The following CHGA variants were observed in gnomAD, a reference collection of about 807,000 sequenced individuals.
CHGA encodes chromogranin A.
CHGA carries 41 observed loss-of-function variants against 54.4 expected under a neutral mutation model. That is an observed-to-expected ratio of 0.75 (90% confidence interval 0.59 to 0.98). The LOEUF (loss-of-function observed/expected upper bound fraction) is 0.98. CHGA is among the 50% of genes least tolerant of loss of function. The probability of loss-of-function intolerance (pLI) is 0.00; values close to 1 mark genes in which losing one functional copy is unlikely to be tolerated. For missense variants in CHGA, 576 were observed against 582.3 expected (o/e 0.99, Z 0.11); for synonymous variants, 249 against 232.8 (o/e 1.07, Z -0.63).
rs765615273 is a variant in CHGA at position 92,931,542 on chromosome 14, C to A, written c.648C>A (p.Gly216=). 2 of 1,612,462 alleles carry A rather than the reference C, an allele frequency of 1.2e-6. No homozygotes were observed. The highest frequency in any genetic ancestry group is 1.7e-6 in the Non-Finnish European group (2 of 1,179,712). ...AGGGTCTGGTGGACAGAGAGAAGGG[C>A]CTGAGTGCAGAGCCAGGGTGGCAGG... ...LSQGLVDREK[G]LSAEPGWQAK... Residue 216 remains glycine (G), a synonymous_variant, in exon 6 of 8, where the codon GGC becomes GGA. Transcript: ENST00000216492.
Position 92,923,262 on chromosome 14 carries a change from C to A in CHGA, c.-98C>A. 1 of 1,135,470 alleles carries A rather than the reference C, an allele frequency of 8.8e-7. No homozygotes were observed. Among genetic ancestry groups the A allele is most frequent in the Non-Finnish European group, 1.1e-6 (1 of 902,880 alleles). The allele number at this position is 1,135,470 out of a possible 1,614,324, so 70.3% of individuals were successfully genotyped here. ...CTGCGCCCCCAGCCCCGCGCCGGTGCCACCGCAGCCCGACCCCGGCCGCCA... is the reference window on the plus strand; with the variant it reads ...CTGCGCCCCCAGCCCCGCGCCGGTGACACCGCAGCCCGACCCCGGCCGCCA... On this transcript the variant is annotated 5_prime_UTR_variant, in exon 1 of 8. Transcript: ENST00000216492.
intron 7 of CHGA, chr14:92,933,164 C>T: frequency 4.0e-6 from 1 of 248,514 alleles, no homozygotes; most frequent in Non-Finnish European, 7.7e-6. Context: ...CTGACCGTGT[C>T]CCCTCCTGGC....
rs761441888 is a variant in CHGA at position 92,931,416 on chromosome 14, G to A, written c.522G>A (p.Glu174=). 2.0e-6 allele frequency: 3 copies of A among 1,512,058 alleles called. No homozygotes were observed. The highest frequency in any genetic ancestry group is 2.8e-5 in the African/African-American group (2 of 71,326). The allele number at this position is 1,512,058 out of a possible 1,614,324, so 93.7% of individuals were successfully genotyped here. A position where few individuals can be genotyped will look rare whatever the true frequency, so the allele number is the denominator to read the frequency against. ...ACAATCAGGCCCCTGGGGAGGAAGA[G>A]GAGGAGGAGGAGGAGGCCACCAACA... ...EGNNQAPGEE[E]EEEEEATNTH... Residue 174 remains glutamate (E), a synonymous_variant, in exon 6 of 8, where the codon GAG becomes GAA. Transcript: ENST00000216492.
At position 92,924,225 on chromosome 14, in the gene CHGA, A is replaced by G. The variant is rs149847247; in HGVS notation, c.73A>G (p.Met25Val). The G allele has an allele frequency of 2.3e-4, 375 of 1,612,542 alleles. No individual in the cohort carries two copies. The highest frequency in any genetic ancestry group is 3.0e-4 in the Non-Finnish European group (356 of 1,179,594). ...CACTGCGCTCCCTGTGAACAGCCCT[A>G]TGAATAAAGGGGATACCGAGGTAAG... ...QVTALPVNSP[M>V]NKGDTEVMKC... The change falls in exon 2 of 8, where the codon ATG (methionine) becomes GTG (valine). Residue 25 changes from methionine (M) to valine (V), a missense_variant. Physicochemically the swap from Met to Val is conservative, Grantham distance 21. Coordinates refer to ENST00000216492, the MANE Select transcript of CHGA (RefSeq NM_001275.4).
chr14:92,926,472 G>A, intron 2 of CHGA, 133 bp from the exon 3 acceptor site: 2 of 693,066 alleles, frequency 2.9e-6, no homozygotes, highest in Non-Finnish European at 5.2e-6. Flanking sequence ...CTGTGTCCCT[G>A]AGCCAGGGAT....
chr14:92,931,712 A>G lies in CHGA; in HGVS notation c.808+10A>G. 1 of 1,551,302 alleles carries G rather than the reference A, an allele frequency of 6.4e-7. No individual in the cohort carries two copies. Among genetic ancestry groups the G allele is most frequent in the South Asian group, 1.2e-5 (1 of 80,894 alleles). ...ATCCGGAAAGGCGAGAGTACGTATG[A>G]TGGCGAAGACCTCAACGAACGTGTC... On this transcript the variant is annotated intron_variant, in intron 6 of 7. Transcript: ENST00000216492.
rs1450954778 is a variant in CHGA at position 92,931,362 on chromosome 14, G to A, written c.468G>A (p.Glu156=). 1 of 1,613,352 alleles carries A rather than the reference G, an allele frequency of 6.2e-7. No homozygotes were observed. Among genetic ancestry groups the A allele is most frequent in the Non-Finnish European group, 8.5e-7 (1 of 1,179,952 alleles). The part of the protein sequence containing the change: ...TDGARPQALP[E]PMQESKAEGN... Reference sequence around the variant, plus strand: ...GAGCCAGGCCCCAGGCCCTCCCGGAGCCCATGCAGGAGTCCAAGGCTGAGG... The same window carrying A: ...GAGCCAGGCCCCAGGCCCTCCCGGAACCCATGCAGGAGTCCAAGGCTGAGG... The change falls in exon 6 of 8, where the codon GAG becomes GAA. Residue 156 remains glutamate, a synonymous_variant. Coordinates refer to ENST00000216492, the MANE Select transcript of CHGA (RefSeq NM_001275.4).
intron 2 of CHGA, 148 bp from the exon 3 acceptor site, chr14:92,926,457 C>T: frequency 4.6e-6 from 3 of 649,338 alleles, no homozygotes; most frequent in South Asian, 3.5e-5. Flanking sequence ...GCTAAGAAAG[C>T]AGAGCTGTGT....
rs77938104 is a variant in CHGA at position 92,929,753 on chromosome 14, G to A, written c.293G>A (p.Ser98Asn). ...KERAHQQKKH[S>N]GFEDELSEVL... ...AGGGCACATCAGCAGAAGAAACACA[G>A]CGGTTTTGAAGATGAACTCTCAGAG... Residue 98 changes from serine (S) to asparagine (N), a missense_variant, in exon 5 of 8, where the codon AGC becomes AAC. By Grantham distance (46) the Ser-to-Asn change is conservative. Transcript: ENST00000216492. 7.6e-3 allele frequency: 12,254 copies of A among 1,613,908 alleles called. 71 individuals carry two copies. The highest frequency in any genetic ancestry group is 8.8e-3 in the Non-Finnish European group (10,381 of 1,180,008).
chr14:92,929,655 C>G (rs977970256), intron 4 of CHGA, 62 bp from the exon 5 acceptor site: 2 of 1,487,038 alleles, frequency 1.3e-6, no homozygotes, highest in Non-Finnish European at 9.4e-7. Context: ...GGTCTTCACT[C>G]TTATAGACAA....
chr14:92,923,853 GC>G (rs530390839), intron 1 of CHGA, among the ~76,000 whole-genome samples: 4,950 of 146,002 alleles, frequency 0.034, 282 homozygotes, highest in African/African-American at 0.12. Context: ...CTCTTCCCCC[GC>G]CCCCCCCACC....
intron 4 of CHGA, 74 bp downstream of exon 4, chr14:92,927,692 C>T: frequency 8.4e-7 from 1 of 1,194,372 alleles, no homozygotes; most frequent in Admixed American, 1.9e-5. Flanking sequence ...GTGGAAGATT[C>T]AGCAAGTTCC....
At chr14:92,928,445 A>G (rs1436230907) in intron 4 of CHGA, among the ~76,000 whole-genome samples, 1 of 152,110 alleles carries the variant, frequency 6.6e-6, no homozygotes, top group Non-Finnish European at 1.5e-5. Flanking sequence ...CCCACTCATG[A>G]GCCAGCCTGG....
rs904123149 is a variant in CHGA at position 92,932,499 on chromosome 14, C to T, written c.938C>T (p.Pro313Leu). 54 of 1,554,096 alleles carry T rather than the reference C, an allele frequency of 3.5e-5. No homozygotes were observed. The highest frequency in any genetic ancestry group is 3.6e-4 in the Middle Eastern group (2 of 5,594). The change falls in exon 7 of 8, where the codon CCG (proline) becomes CTG (leucine). Residue 313 changes from proline (P) to leucine (L), a missense_variant. By Grantham distance (98) the Pro-to-Leu change is moderately conservative (BLOSUM62 -3). Transcript: ENST00000216492. The surrounding 1 kb of genome is among the most constrained non-coding windows in gnomAD (Gnocchi z 5.3). ...KEEEEEMAVVPQGLFRGGKSG... is the reference protein window; with the variant it reads ...KEEEEEMAVVLQGLFRGGKSG... The stretch of plus-strand genomic sequence containing the variant: ...GAGGAGGAGGAGATGGCAGTGGTCC[C>T]GCAAGGCCTCTTCCGGGGTGGGAAG...
chr14:92,930,196 C>T (rs1315469546), intron 5 of CHGA, among the ~76,000 whole-genome samples: 3 of 152,208 alleles, frequency 2.0e-5, no homozygotes, highest in South Asian at 4.1e-4. Context: ...GGTGGGGCCT[C>T]AGAATAGCCA....
At position 92,932,762 on chromosome 14, in the gene CHGA, G is replaced by A. The variant is rs1887036523; in HGVS notation, c.1201G>A (p.Asp401Asn). The A allele has an allele frequency of 6.2e-7, 1 of 1,604,754 alleles. No individual in the cohort carries two copies. The highest frequency in any genetic ancestry group is 1.3e-5 in the African/African-American group (1 of 74,938). The part of the protein sequence containing the change: ...RRGWRPSSRE[D>N]SLEAGLPLQV... ...AGGCTGGAGGCCATCCTCCCGGGAG[G>A]ACAGCCTTGAGGCGGGCCTGCCCCT... Residue 401 changes from aspartate (D) to asparagine (N), a missense_variant, in exon 7 of 8, where the codon GAC becomes AAC. By Grantham distance (23) the Asp-to-Asn change is conservative. Transcript: ENST00000216492. This position sits in a 1 kb window ranked among gnomAD's most constrained non-coding sequence, Gnocchi z 5.3.
At chr14:92,928,339 G>A (rs115838483) in intron 4 of CHGA, among the ~76,000 whole-genome samples, 5,723 of 152,294 alleles carry the variant, frequency 0.038, 363 homozygotes, top group African/African-American at 0.13. Context: ...CAGGCCATGT[G>A]TGAGAACAGA....
At chr14:92,924,356 C>A (rs1022988465) in intron 2 of CHGA, 111 bp downstream of exon 2, 10 of 1,041,204 alleles carry the variant, frequency 9.6e-6, no homozygotes, top group Non-Finnish European at 1.4e-5. Flanking sequence ...GCCAGCACTG[C>A]GGCTGCTGAG....
At chr14:92,928,013 T>C (rs1886920477) in intron 4 of CHGA, among the ~76,000 whole-genome samples, 1 of 152,164 alleles carries the variant, frequency 6.6e-6, no homozygotes, top group Non-Finnish European at 1.5e-5. Context: ...ACAGTTAGCC[T>C]CTATGCCCAG....
Sources: allele counts gnomAD v4.1 joint callset (sites outside exome capture counted in the v4.1 genomes callset), GRCh38; gene constraint gnomAD v4.1.1; non-coding constraint Gnocchi (gnomAD v3.1); transcripts MANE v1.5; gene names NCBI Gene and HGNC (gene_info 2026-07-23, HGNC 2026-07-21).